Variants in NBEA observed in about 807,000 individuals in gnomAD.
NBEA encodes lysosomal-trafficking regulator 2.
In NBEA, 44 loss-of-function variants were observed where a neutral mutation model predicts 343.4. The ratio of observed to expected loss-of-function variants is 0.13; its 90% CI spans 0.10 to 0.16. The LOEUF (loss-of-function observed/expected upper bound fraction) is 0.16. NBEA is among the 10% of genes least tolerant of loss of function. The probability of loss-of-function intolerance (pLI) is 1.00; values close to 1 mark genes in which losing one functional copy is unlikely to be tolerated. For synonymous variants in NBEA, 1,175 were observed against 1,238.7 expected, an observed-to-expected ratio of 0.95 and a Z score of 1.08; for missense variants, 2,555 against 3,631.3, an observed-to-expected ratio of 0.70 and a Z score of 7.62.
intron 38 of NBEA, among the ~76,000 whole-genome samples, chr13:35,414,884 C>T (rs971069306): frequency 1.2e-4 from 18 of 152,276 alleles, no homozygotes; most frequent in African/African-American, 3.6e-4. Context: ...ACATCCTCTC[C>T]AGCACCTGTT....
intron 16 of NBEA, among the ~76,000 whole-genome samples, chr13:35,122,156 C>T (rs1282086832): frequency 6.6e-6 from 1 of 152,036 alleles, no homozygotes. Flanking sequence ...GGCTATTTTG[C>T]TCCAAGTAAC....
intron 44 of NBEA, among the ~76,000 whole-genome samples, chr13:35,564,715 G>C (rs183790253): frequency 1.8e-4 from 27 of 152,234 alleles, no homozygotes; most frequent in Admixed American, 1.6e-3. Context: ...TTCATTGATT[G>C]CTTGAGCTAC....
intron 36 of NBEA, among the ~76,000 whole-genome samples, chr13:35,315,069 C>T (rs1215834762): frequency 6.6e-6 from 1 of 152,152 alleles, no homozygotes; most frequent in Admixed American, 6.6e-5. Flanking sequence ...TTTGCATGCA[C>T]ATATAACATT....
intron 41 of NBEA, among the ~76,000 whole-genome samples, chr13:35,509,141 G>T (rs188382600): frequency 6.6e-6 from 1 of 152,158 alleles, no homozygotes; most frequent in Admixed American, 6.5e-5. Flanking sequence ...CTGCCTGACC[G>T]TGGCTATGGT....
At chr13:35,385,442 G>A (rs1295866695) in intron 38 of NBEA, among the ~76,000 whole-genome samples, 4 of 152,144 alleles carry the variant, frequency 2.6e-5, no homozygotes, top group Non-Finnish European at 4.4e-5. Context: ...GCACATGCCT[G>A]TAATTCCAAA....
chr13:35,185,230 T>C (rs1251697992), intron 30 of NBEA: 1 of 152,216 alleles, frequency 6.6e-6, no homozygotes, highest in Admixed American at 6.6e-5. Context: ...GTGGGGACTT[T>C]AGTCCTACAG....
At chr13:35,385,141 A>C (rs2152895001) in intron 38 of NBEA, among the ~76,000 whole-genome samples, 1 of 152,320 alleles carries the variant, frequency 6.6e-6, no homozygotes, top group East Asian at 1.9e-4. Context: ...AAATTTTAAT[A>C]AGTTCTAAAA....
chr13:35,409,919 A>G (rs1367307380), intron 38 of NBEA, among the ~76,000 whole-genome samples: 5 of 152,116 alleles, frequency 3.3e-5, no homozygotes, highest in African/African-American at 1.2e-4. Flanking sequence ...AAACTTTTCT[A>G]ATTATTAAGT....
At chr13:35,246,965 A>G (rs1000691093) in intron 34 of NBEA, among the ~76,000 whole-genome samples, 1 of 151,990 alleles carries the variant, frequency 6.6e-6, no homozygotes, top group Non-Finnish European at 1.5e-5. Context: ...TGGGCTTGCT[A>G]TGGCTGCAAT....
intron 36 of NBEA, among the ~76,000 whole-genome samples, chr13:35,339,840 A>G (rs956185605): frequency 2.0e-5 from 3 of 152,114 alleles, no homozygotes; most frequent in Non-Finnish European, 2.9e-5. Flanking sequence ...TAAACCATTC[A>G]TGAGAAACCA....
chr13:35,570,895 G>T (rs1232583078), intron 45 of NBEA, among the ~76,000 whole-genome samples: 2 of 152,148 alleles, frequency 1.3e-5, no homozygotes, highest in East Asian at 3.9e-4. Context: ...TTATCACAAT[G>T]AAGAGATGTC....
In NBEA at chr13:35,173,398, C is replaced by G. The variant is rs561235740; in HGVS notation, c.4424-66C>G. ...AGAAAGGGAAGAAGAAATAAACTTG[C>G]AACTTTTTCCAGGATATCAAAGTCA... On this transcript the variant is annotated intron_variant, in intron 26 of 58. Transcript: ENST00000379939. 84 of 1,380,964 alleles carry G rather than the reference C, an allele frequency of 6.1e-5. No homozygotes were observed. In the African/African-American group the frequency reaches 1.0e-3, roughly 17 times the overall value. 85.5% of individuals were successfully genotyped at this position (1,380,964 alleles called of 1,614,324 possible).
At chr13:35,451,921 A>T (rs917039085) in intron 39 of NBEA, among the ~76,000 whole-genome samples, 171 bp from the exon 40 acceptor site, 1 of 152,198 alleles carries the variant, frequency 6.6e-6, no homozygotes, top group Non-Finnish European at 1.5e-5. Flanking sequence ...CGCACACCCC[A>T]TGTTTCTCAC....
rs528389812 is a variant in NBEA at position 35,200,933 on chromosome 13, G to A, written c.5366+4631G>A. 1.3e-4 allele frequency among the ~76,000 whole-genome samples: 19 copies of A among 151,970 alleles called. No individual in the cohort carries two copies. In the South Asian group the frequency reaches 1.9e-3, roughly 15 times the overall value. ...AGTAGAGTTAATGAGGTCTTATGTT[G>A]ATTTATTTAAAGTTAGAATTAAGTA... On this transcript the variant is annotated intron_variant, in intron 31 of 58. Transcript: ENST00000379939.
intron 1 of NBEA, among the ~76,000 whole-genome samples, chr13:35,007,856 C>G (rs1428898698): frequency 6.6e-6 from 1 of 152,130 alleles, no homozygotes; most frequent in African/African-American, 2.4e-5. Flanking sequence ...ACTTCATTAT[C>G]TAGTCATTTG....
At chr13:35,017,747 GGTTT>G (rs2061704085) in intron 1 of NBEA, among the ~76,000 whole-genome samples, 1 of 151,870 alleles carries the variant, frequency 6.6e-6, no homozygotes, top group South Asian at 2.1e-4. Context: ...TTCAGGCTCC[GGTTT>G]GTCTTTCCAT....
chr13:35,655,870 G>A, intron 55 of NBEA, 121 bp downstream of exon 55: 1 of 884,680 alleles, frequency 1.1e-6, no homozygotes, highest in Non-Finnish European at 1.7e-6. Flanking sequence ...GAAAGCTTAA[G>A]TGGCCAAAAT....
chr13:35,178,021 C>A (rs571476594), intron 28 of NBEA, among the ~76,000 whole-genome samples: 1 of 151,328 alleles, frequency 6.6e-6, no homozygotes, highest in African/African-American at 2.4e-5. Context: ...CCAAACATAC[C>A]AACAGAAAAA....
At chr13:35,549,479 G>A (rs2079212425) in intron 41 of NBEA, among the ~76,000 whole-genome samples, 1 of 152,124 alleles carries the variant, frequency 6.6e-6, no homozygotes, top group Admixed American at 6.5e-5. Flanking sequence ...GAATGTGCTT[G>A]TTGTAGATTT....
Sources: gnomAD v4.1 joint callset for allele counts (sites outside exome capture counted in the v4.1 genomes callset) on GRCh38, gnomAD v4.1.1 for gene constraint, MANE v1.5 for transcripts, NCBI Gene and HGNC (gene_info 2026-07-23, HGNC 2026-07-21) for gene names.